IVD: variants seen among roughly 807,000 people sequenced by gnomAD.
IVD encodes the protein isovaleryl-CoA dehydrogenase, also known as isovaleryl-CoA dehydrogenase, mitochondrial.
IVD carries 31 observed loss-of-function variants against 51.3 expected under a neutral mutation model. The observed-to-expected ratio is 0.60, with a 90% CI of 0.45 to 0.81. IVD has a LOEUF of 0.81. Among genes scored for constraint, IVD ranks in the 40% least tolerant of loss-of-function variants. IVD has a pLI of 0.00. For synonymous variants in IVD, 205 were observed against 219.4 expected (o/e 0.93, Z 0.58); for missense variants, 475 against 552.0 (o/e 0.86, Z 1.40).
chr15:40,435,011 G>A (rs1893187669), intron 8 of IVD, among the ~76,000 whole-genome samples: 2 of 152,234 alleles, frequency 1.3e-5, no homozygotes, highest in African/African-American at 4.8e-5. Flanking sequence ...TGCCTGTGTG[G>A]CTCAGGCCAG....
chr15:40,420,264 G>A lies in IVD; in HGVS notation c.*2001G>A, dbSNP rs185013442. On this transcript the variant is annotated 3_prime_UTR_variant, in exon 12 of 12. Transcript: ENST00000487418. ...CCTGCCACGGGCACCATCCAGTCCT[G>A]GCCGTGTGACCACCCACAGCTGACT... is the stretch of plus-strand genomic sequence containing the variant. 62 of 987,622 alleles carry A rather than the reference G, an allele frequency of 6.3e-5. No homozygotes were observed. In the East Asian group the frequency reaches 4.5e-3, roughly 72 times the overall value. 61.2% of individuals were successfully genotyped at this position (987,622 alleles called of 1,614,324 possible).
At chr15:40,411,136 C>A in intron 4 of IVD, 124 bp from the exon 5 acceptor site, 1 of 960,582 alleles carries the variant, frequency 1.0e-6, no homozygotes, top group Non-Finnish European at 1.7e-6. Context: ...TAGGACTTTA[C>A]CGACACCCTG....
downstream of IVD, among the ~76,000 whole-genome samples, chr15:40,422,617 T>C (rs1203314022): frequency 6.2e-5 from 6 of 96,178 alleles, no homozygotes; most frequent in African/African-American, 2.4e-4. Flanking sequence ...TTTTTTTTTT[T>C]AAGACGGAGT....
At position 40,410,710 on chromosome 15, in the gene IVD, G is replaced by A; in HGVS notation, c.369G>A (p.Gly123=). 6.2e-7 allele frequency: 1 copy of A among 1,614,224 alleles called. No individual in the cohort carries two copies. The highest frequency in any genetic ancestry group is 1.1e-5 in the South Asian group (1 of 91,074). ...TATCCCGAGCTTCCGGAGCAGTGGG[G>A]CTCAGTTACGGTGCCCACTCCAACC... The part of the protein sequence containing the change: ...EEISRASGAV[G]LSYGAHSNLC... The change falls in exon 4 of 12, where the codon GGG becomes GGA. Residue 123 remains glycine (G), a synonymous_variant. Coordinates refer to ENST00000487418, the MANE Select transcript of IVD (RefSeq NM_002225.5).
rs1892014235 is a variant in IVD, at chr15:40,418,984, A to C, written c.*721A>C. 9.9e-6 allele frequency: 5 copies of C among 504,224 alleles called. No individual in the cohort carries two copies. The Admixed American group carries it at 1.9e-4, about 19-fold the overall frequency. The allele number at this position is 504,224 out of a possible 1,614,324, so 31.2% of individuals were successfully genotyped here. On this transcript the variant is annotated 3_prime_UTR_variant, in exon 12 of 12. Transcript: ENST00000487418. Reference sequence around the variant, plus strand: ...CTCGCCTCAACTAAAAATAGAAAAAAATTAGTTGGGCATGGTGGTGGGCAC... The same window carrying C: ...CTCGCCTCAACTAAAAATAGAAAAACATTAGTTGGGCATGGTGGTGGGCAC...
rs1243581689 is a variant in IVD at position 40,418,401 on chromosome 15, T to C, written c.*138T>C. 6.4e-7 allele frequency: 1 copy of C among 1,572,174 alleles called. No homozygotes were observed. Among genetic ancestry groups the C allele is most frequent in the Non-Finnish European group, 8.6e-7 (1 of 1,165,354 alleles). The stretch of plus-strand genomic sequence containing the variant: ...TCAGCCCTCTGGCCTCTGGATGAGG[T>C]TGAGTTCTCCACAACAGCTCCCAAG... On this transcript the variant is annotated 3_prime_UTR_variant, in exon 12 of 12. Transcript: ENST00000487418.
chr15:40,423,139 A>T (rs1379006179), downstream of IVD, among the ~76,000 whole-genome samples: 2 of 150,316 alleles, frequency 1.3e-5, no homozygotes, highest in Non-Finnish European at 3.0e-5. Context: ...GGCTTTCACC[A>T]TGTTGTCCAG....
chr15:40,424,213 A>G (rs780126108), downstream of IVD: 18 of 1,286,894 alleles, frequency 1.4e-5, no homozygotes, highest in South Asian at 2.1e-4. Context: ...GGCTCCCAGC[A>G]CCTGTAAGAT....
intron 7 of IVD, among the ~76,000 whole-genome samples, chr15:40,431,180 C>T (rs1246740801): frequency 6.2e-5 from 9 of 146,156 alleles, no homozygotes; most frequent in African/African-American, 2.0e-4. Flanking sequence ...AACGGGGTCT[C>T]GCTTTATTGC....
chr15:40,423,992 A>T (rs1307451283), downstream of IVD: 2 of 336,518 alleles, frequency 5.9e-6, no homozygotes, highest in East Asian at 2.3e-4. Flanking sequence ...TGTGTGCGCC[A>T]CTTGGTTACT....
chr15:40,410,354 C>A (rs778212897), intron 3 of IVD, among the ~76,000 whole-genome samples: 1 of 152,190 alleles, frequency 6.6e-6, no homozygotes, highest in Non-Finnish European at 1.5e-5. Flanking sequence ...TCAGGTTGTT[C>A]ACGTATCTTC....
At chr15:40,425,065 G>C (rs1387241452), downstream of IVD, among the ~76,000 whole-genome samples, 1 of 152,206 alleles carries the variant, frequency 6.6e-6, no homozygotes, top group Non-Finnish European at 1.5e-5. Context: ...ACAGAAGGAA[G>C]CTGTGCTAAA....
intron 7 of IVD, among the ~76,000 whole-genome samples, chr15:40,430,889 G>A (rs1267570160): frequency 6.6e-6 from 1 of 152,216 alleles, no homozygotes; most frequent in Non-Finnish European, 1.5e-5. Flanking sequence ...TTTGCCAAAG[G>A]AATATCTTTT....
Position 40,413,317 on chromosome 15 carries a change from A to G in IVD, c.784+230A>G, listed in dbSNP as rs1181460683. ...CACACTCCGCATAGGGTCTGTACTC[A>G]GTAGCCGGAGGAGAAGGGTCAGACC... On this transcript the variant is annotated intron_variant, in intron 7 of 11. Transcript: ENST00000487418. The G allele has an allele frequency of 1.0e-5, 6 of 572,202 alleles. No homozygotes were observed. The African/African-American group carries it at 1.1e-4, about 11-fold the overall frequency. The allele number at this position is 572,202 out of a possible 1,614,324, so 35.4% of individuals were successfully genotyped here.
intron 7 of IVD, among the ~76,000 whole-genome samples, chr15:40,432,503 T>G (rs944232954): frequency 6.6e-6 from 1 of 152,130 alleles, no homozygotes; most frequent in Non-Finnish European, 1.5e-5. Context: ...CCCCAGAGGG[T>G]GTCTGCTGGA....
chr15:40,417,987 C>T (rs1891894455), intron 11 of IVD, 143 bp from the exon 12 acceptor site: 2 of 1,127,264 alleles, frequency 1.8e-6, no homozygotes, highest in Non-Finnish European at 2.6e-6. Flanking sequence ...GTATTCCCCA[C>T]ACCCCTCCCT....
chr15:40,416,163 A>C lies in IVD; in HGVS notation c.1046A>C (p.Glu349Ala). 6.2e-7 allele frequency: 1 copy of C among 1,614,190 alleles called. No individual in the cohort carries two copies. Among genetic ancestry groups the C allele is most frequent in the Non-Finnish European group, 8.5e-7 (1 of 1,179,996 alleles). ...YVYNVAKACD[E>A]GHCTAKDCAG... ...TACAATGTCGCCAAGGCCTGCGATGAGGGCCATTGCACTGCTAAGGTGAGG... is the reference window on the plus strand; with the variant it reads ...TACAATGTCGCCAAGGCCTGCGATGCGGGCCATTGCACTGCTAAGGTGAGG... The change falls in exon 10 of 12, where the codon GAG (glutamate) becomes GCG (alanine). Residue 349 changes from glutamate (E) to alanine (A), a missense_variant. Glu to Ala is a moderately radical substitution (Grantham distance 107, BLOSUM62 -1). Transcript: ENST00000487418.
intron 7 of IVD, among the ~76,000 whole-genome samples, chr15:40,432,518 G>C (rs968962505): frequency 6.6e-6 from 1 of 152,230 alleles, no homozygotes; most frequent in African/African-American, 2.4e-5. Context: ...GCTGGAAAGG[G>C]CTGGTCCTGG....
At chr15:40,406,035 T>G (rs1890371829) in intron 1 of IVD, 64 bp downstream of exon 1, 1 of 1,441,032 alleles carries the variant, frequency 6.9e-7, no homozygotes, top group East Asian at 2.5e-5. Flanking sequence ...CAAGGCCTCC[T>G]TCCTGCCTGG....
Sources: gnomAD v4.1 joint callset for allele counts (sites outside exome capture counted in the v4.1 genomes callset) on GRCh38, gnomAD v4.1.1 for gene constraint, MANE v1.5 for transcripts, NCBI Gene and HGNC (gene_info 2026-07-23, HGNC 2026-07-21) for gene names.